STK3: variants seen among roughly 807,000 people sequenced by gnomAD.
STK3 encodes serine/threonine kinase 3, also known as serine/threonine-protein kinase 3.
A neutral mutation model predicts 58.0 loss-of-function variants in STK3; 41 were observed. That is an observed-to-expected ratio of 0.71 (90% CI 0.55 to 0.92). The LOEUF is 0.92. STK3 is among the 40% of genes least tolerant of loss of function. The pLI is 0.00. For missense variants in STK3, 479 were observed against 602.7 expected, an observed-to-expected ratio of 0.79 and a Z score of 2.15; for synonymous variants, 170 against 191.0, an observed-to-expected ratio of 0.89 and a Z score of 0.91.
At chr8:98,895,355 C>T (rs373134898) in intron 1 of STK3, among the ~76,000 whole-genome samples, 20 of 152,228 alleles carry the variant, frequency 1.3e-4, no homozygotes, top group East Asian at 5.8e-4. Context: ...GTACACAACT[C>T]GGCACCCATC....
In STK3 at chr8:98,797,979, G is replaced by A. The variant is rs140016176; in HGVS notation, c.27-23160C>T. Among the ~76,000 whole-genome samples the A allele has an allele frequency of 8.6e-3, 1,309 of 152,292 alleles. 9 individuals carry two copies. The highest frequency in any genetic ancestry group is 0.03 in the African/African-American group (1,227 of 41,566). On this transcript the variant is annotated intron_variant, in intron 1 of 10. Coordinates refer to ENST00000419617, the MANE Select transcript of STK3 (RefSeq NM_006281.4). ...AATAAAGTAGAAACATTTTGTGAAC[G>A]ATTAAAGAGCATATTCCTATAGAAA... is the stretch of plus-strand genomic sequence containing the variant.
chr8:98,704,463 T>C (rs1245508313), intron 6 of STK3, among the ~76,000 whole-genome samples: 5 of 151,640 alleles, frequency 3.3e-5, no homozygotes, highest in African/African-American at 1.2e-4. Context: ...ATATACAAAA[T>C]ATGAGGAAAA....
chr8:98,929,531 T>TC (rs1227061424), intron 1 of STK3, among the ~76,000 whole-genome samples: 1 of 152,088 alleles, frequency 6.6e-6, no homozygotes, highest in African/African-American at 2.4e-5. Context: ...ACCACTGCAG[T>TC]CCCAGCTACC....
chr8:98,576,371 G>A (rs764486718), intron 8 of STK3, among the ~76,000 whole-genome samples: 2 of 151,988 alleles, frequency 1.3e-5, no homozygotes, highest in South Asian at 4.1e-4. Flanking sequence ...GATATGTTTT[G>A]GCTATTTGGG....
chr8:98,592,734 T>TTTATTTAG (rs1815430619), intron 7 of STK3, among the ~76,000 whole-genome samples: 1 of 25,780 alleles, frequency 3.9e-5, no homozygotes, highest in Non-Finnish European at 8.3e-5. Flanking sequence ...ACTGACTTAC[T>TTTATTTAG]TTATTTATTT....
rs1817649759 is a variant in STK3 at position 98,374,343 on chromosome 8, A to G, written n.112-2665T>C. Among the ~76,000 whole-genome samples, 5 of 152,026 alleles carry G rather than the reference A, an allele frequency of 3.3e-5. No individual in the cohort carries two copies. The South Asian group carries it at 1.0e-3, about 31-fold the overall frequency. ...GTCTAAGCCAACAGTCCAGGTACCA[A>G]CCACTCATATCTGGTGGCTTTACAG... On this transcript the variant is annotated intron_variant and non_coding_transcript_variant, in intron 2 of 2. Transcript: ENST00000518704.
intron 4 of STK3, among the ~76,000 whole-genome samples, chr8:98,747,579 C>T (rs916364210): frequency 1.3e-5 from 2 of 152,090 alleles, no homozygotes; most frequent in Non-Finnish European, 2.9e-5. Context: ...TAGGATGTTA[C>T]GTATCTTTAT....
chr8:98,783,409 T>C (rs911646963), intron 1 of STK3, among the ~76,000 whole-genome samples: 3 of 152,334 alleles, frequency 2.0e-5, no homozygotes, highest in Admixed American at 6.5e-5. Flanking sequence ...ACACCTACTA[T>C]GTACCCATAA....
chr8:98,569,247 GA>G (rs1261465446), intron 8 of STK3, among the ~76,000 whole-genome samples: 1 of 151,952 alleles, frequency 6.6e-6, no homozygotes, highest in Admixed American at 6.5e-5. Flanking sequence ...TGCAATGACT[GA>G]AAAAAACTGC....
chr8:98,607,805 A>G (rs1338079989), intron 6 of STK3, among the ~76,000 whole-genome samples: 1 of 152,240 alleles, frequency 6.6e-6, no homozygotes, highest in African/African-American at 2.4e-5. Context: ...ATGGAAACAC[A>G]GATGGTTTTT....
At chr8:98,935,630 G>GT (rs1840167443) in intron 1 of STK3, among the ~76,000 whole-genome samples, 2 of 152,134 alleles carry the variant, frequency 1.3e-5, no homozygotes, top group South Asian at 4.1e-4. Context: ...CTACTTTTCA[G>GT]TAAAAAATGA....
chr8:98,585,392 G>T (rs1814440257), intron 7 of STK3, among the ~76,000 whole-genome samples: 1 of 151,980 alleles, frequency 6.6e-6, no homozygotes, highest in African/African-American at 2.4e-5. Context: ...GTTTGTCAAA[G>T]ATCAGATAGT....
intron 1 of STK3, among the ~76,000 whole-genome samples, chr8:98,447,024 G>C (rs868260879): frequency 6.6e-6 from 1 of 152,090 alleles, no homozygotes. Flanking sequence ...GCTTATAAGG[G>C]GGAGCTGAAT....
chr8:98,401,095 G>A (rs1279849809), downstream of STK3, among the ~76,000 whole-genome samples: 1 of 152,036 alleles, frequency 6.6e-6, no homozygotes, highest in Non-Finnish European at 1.5e-5. Flanking sequence ...CTCTCTCTCG[G>A]GACACATGCC....
intron 7 of STK3, among the ~76,000 whole-genome samples, chr8:98,587,430 A>T (rs1353957871): frequency 2.0e-5 from 3 of 152,010 alleles, no homozygotes. Flanking sequence ...CTTAATCCTG[A>T]GTTCTAGTTT....
chr8:98,905,320 AG>A, intron 1 of STK3: 1 of 874,100 alleles, frequency 1.1e-6, no homozygotes, highest in South Asian at 1.3e-5. Context: ...ATGTGTATGA[AG>A]TGTATGAGGA....
At chr8:98,935,979 C>A (rs1261346692) in intron 1 of STK3, among the ~76,000 whole-genome samples, 1 of 151,764 alleles carries the variant, frequency 6.6e-6, no homozygotes, top group Non-Finnish European at 1.5e-5. Context: ...TGCAGTGGCC[C>A]AATATTGGCT....
At chr8:98,777,431 G>C (rs1475364151) in intron 1 of STK3, among the ~76,000 whole-genome samples, 3 of 151,530 alleles carry the variant, frequency 2.0e-5, no homozygotes, top group African/African-American at 4.9e-5. Context: ...GGGAGACTGA[G>C]CCTGGGAGAT....
chr8:98,591,259 T>C (rs1210113554), intron 7 of STK3, among the ~76,000 whole-genome samples: 2 of 152,348 alleles, frequency 1.3e-5, no homozygotes, highest in East Asian at 1.9e-4. Context: ...CAATATTCTA[T>C]AGTGTACTGT....
Sources: allele counts gnomAD v4.1 joint callset (sites outside exome capture counted in the v4.1 genomes callset), GRCh38; gene constraint gnomAD v4.1.1; transcripts MANE v1.5; gene names NCBI Gene and HGNC (gene_info 2026-07-23, HGNC 2026-07-21).